The following LARGE1 variants were observed in gnomAD, a reference collection of about 807,000 sequenced individuals.
The protein encoded by LARGE1 is xylosyl- and glucuronyltransferase LARGE1.
Under a neutral mutation model 87.6 loss-of-function variants are expected in LARGE1, and 43 were observed. The ratio of observed to expected loss-of-function variants is 0.49; its 90% CI spans 0.38 to 0.63. The LOEUF (loss-of-function observed/expected upper bound fraction) is 0.63. Among genes scored for constraint, LARGE1 ranks in the 30% least tolerant of loss-of-function variants. LARGE1 has a pLI of 0.00. For synonymous variants in LARGE1, 434 were observed against 394.6 expected (o/e 1.10, Z -1.18); for missense variants, 802 against 1,000.2 (o/e 0.80, Z 2.67).
At chr22:33,818,591 A>C (rs1291225333) in intron 1 of LARGE1, among the ~76,000 whole-genome samples, 1 of 152,160 alleles carries the variant, frequency 6.6e-6, no homozygotes, top group African/African-American at 2.4e-5. Flanking sequence ...AGCCTGTAAA[A>C]GCCTAACTTT....
At chr22:33,838,830 T>C (rs956833908) in intron 1 of LARGE1, among the ~76,000 whole-genome samples, 1 of 152,052 alleles carries the variant, frequency 6.6e-6, no homozygotes, top group Non-Finnish European at 1.5e-5. Context: ...GCAGAATTAA[T>C]CCAATCCATC....
At chr22:33,083,886 T>C in the LARGE1 span, among the ~76,000 whole-genome samples, 3 of 152,266 alleles carry the variant, frequency 2.0e-5, no homozygotes, top group Admixed American at 2.0e-4. Context: ...ACTGCCTGAG[T>C]GCTCTACTTA....
At chr22:33,736,095 G>T (rs1250779270) in intron 2 of LARGE1, among the ~76,000 whole-genome samples, 1 of 152,096 alleles carries the variant, frequency 6.6e-6, no homozygotes, top group East Asian at 1.9e-4. Flanking sequence ...ATGCTGTCTT[G>T]AAAAATTTTG....
chr22:33,588,146 C>T (rs1335295801), intron 5 of LARGE1, among the ~76,000 whole-genome samples: 1 of 152,216 alleles, frequency 6.6e-6, no homozygotes, highest in Non-Finnish European at 1.5e-5. Context: ...TATGAGCAAG[C>T]ACATGCTAAG....
the LARGE1 span, among the ~76,000 whole-genome samples, chr22:33,081,412 G>C: frequency 6.6e-6 from 1 of 152,142 alleles, no homozygotes; most frequent in Non-Finnish European, 1.5e-5. Context: ...TGAAGACGTA[G>C]GGAGGAGAAA....
chr22:33,719,692 T>C (rs1183298044), intron 2 of LARGE1, among the ~76,000 whole-genome samples: 3 of 151,976 alleles, frequency 2.0e-5, no homozygotes, highest in Admixed American at 2.0e-4. Flanking sequence ...GGCTAATTTT[T>C]TATATTTTTA....
the LARGE1 span, among the ~76,000 whole-genome samples, chr22:33,115,168 C>T: frequency 1.3e-5 from 2 of 152,108 alleles, no homozygotes; most frequent in African/African-American, 4.8e-5. Flanking sequence ...GAAGTTCTGA[C>T]CCCCCATTAT....
chr22:33,602,684 A>T (rs1358374876), intron 5 of LARGE1, among the ~76,000 whole-genome samples: 1 of 151,662 alleles, frequency 6.6e-6, no homozygotes, highest in Non-Finnish European at 1.5e-5. Flanking sequence ...AATTTTTAAA[A>T]TTTTTTTGTA....
intron 6 of LARGE1, among the ~76,000 whole-genome samples, chr22:33,495,118 C>T (rs1025659341): frequency 3.3e-5 from 5 of 151,862 alleles, no homozygotes; most frequent in African/African-American, 4.8e-5. Flanking sequence ...CCCCACCCCC[C>T]GGACACACAG....
intron 7 of LARGE1, among the ~76,000 whole-genome samples, chr22:33,429,913 G>C (rs1203766236): frequency 6.6e-6 from 1 of 152,130 alleles, no homozygotes; most frequent in Non-Finnish European, 1.5e-5. Context: ...ACAGCGTCTG[G>C]GAGAGCTTGC....
At chr22:33,876,371 G>A (rs1169532267) in intron 1 of LARGE1, among the ~76,000 whole-genome samples, 5 of 152,048 alleles carry the variant, frequency 3.3e-5, no homozygotes, top group African/African-American at 4.8e-5. Context: ...GGGCAGTGAT[G>A]GGAGAGGGGG....
rs112590635 is a variant in LARGE1 at position 33,623,401 on chromosome 22, A to C, written c.491+2843T>G. 1.5e-3 allele frequency among the ~76,000 whole-genome samples: 236 copies of C among 152,260 alleles called. 2 individuals are homozygous for C. Among genetic ancestry groups the C allele is most frequent in the Middle Eastern group, 6.8e-3 (2 of 294 alleles). On this transcript the variant is annotated intron_variant, in intron 4 of 14. Coordinates refer to ENST00000397394, the MANE Select transcript of LARGE1 (RefSeq NM_133642.5). ...TGGCCATTCTTTCTTTGGTGTTTCCATTTCCTCTTCAAATATACAACTGAA... is the reference window on the plus strand; with the variant it reads ...TGGCCATTCTTTCTTTGGTGTTTCCCTTTCCTCTTCAAATATACAACTGAA...
chr22:33,461,936 T>A (rs1032126887), intron 6 of LARGE1, among the ~76,000 whole-genome samples: 1 of 152,154 alleles, frequency 6.6e-6, no homozygotes, highest in African/African-American at 2.4e-5. Context: ...TGTTGATGTG[T>A]GACTACAGCT....
At position 33,507,219 on chromosome 22, in the gene LARGE1, C is replaced by A. The variant is rs1044512242; in HGVS notation, c.787+57629G>T. ...ACCAGCTTTTGCAATGGCATAGAGA[C>A]CCGAGAGCAGGTATGCTGTTTGCTT... is the stretch of plus-strand genomic sequence containing the variant. On this transcript the variant is annotated intron_variant, in intron 6 of 14. Coordinates refer to ENST00000397394, the MANE Select transcript of LARGE1 (RefSeq NM_133642.5). Among the ~76,000 whole-genome samples, 12 of 152,220 alleles carry A rather than the reference C, an allele frequency of 7.9e-5. No homozygotes were observed. In the South Asian group the frequency reaches 2.1e-3, roughly 26 times the overall value.
chr22:33,581,467 T>G (rs1203194784), intron 5 of LARGE1, among the ~76,000 whole-genome samples: 1 of 152,142 alleles, frequency 6.6e-6, no homozygotes. Context: ...TGTTTAGAAA[T>G]AAATAAAGTT....
intron 1 of LARGE1, among the ~76,000 whole-genome samples, chr22:33,836,990 G>A (rs1053851516): frequency 2.6e-5 from 4 of 152,052 alleles, no homozygotes; most frequent in Non-Finnish European, 4.4e-5. Context: ...AATAGTAACT[G>A]TAGTACAACC....
intron 4 of LARGE1, among the ~76,000 whole-genome samples, chr22:33,614,081 GT>G (rs113272301): frequency 4.0e-5 from 6 of 149,490 alleles, no homozygotes; most frequent in Non-Finnish European, 7.4e-5. Context: ...AAAACTGCCT[GT>G]TTTTTTTTTC....
chr22:33,256,388 G>A (rs1852759923), intron 11 of LARGE1, among the ~76,000 whole-genome samples: 1 of 152,222 alleles, frequency 6.6e-6, no homozygotes, highest in African/African-American at 2.4e-5. Flanking sequence ...GGCACCAGGA[G>A]TGTGAAACTT....
At chr22:33,125,211 T>C in the LARGE1 span, among the ~76,000 whole-genome samples, 1 of 152,208 alleles carries the variant, frequency 6.6e-6, no homozygotes, top group African/African-American at 2.4e-5. Context: ...GTCTTCAGTC[T>C]GGTCTGGAGA....
Sources: gnomAD v4.1 joint callset for allele counts (sites outside exome capture counted in the v4.1 genomes callset) on GRCh38, gnomAD v4.1.1 for gene constraint, MANE v1.5 for transcripts, NCBI Gene and HGNC (gene_info 2026-07-23, HGNC 2026-07-21) for gene names.